The following SLC39A11 variants were observed in gnomAD, a reference collection of about 807,000 sequenced individuals.
SLC39A11 encodes the protein solute carrier family 39 member 11.
In SLC39A11, 33 loss-of-function variants were observed where a neutral mutation model predicts 36.1. The ratio of observed to expected loss-of-function variants is 0.91; its 90% confidence interval spans 0.69 to 1.22. The LOEUF (loss-of-function observed/expected upper bound fraction) is 1.22. Ranked by LOEUF, SLC39A11 falls within the 50% of genes most tolerant of loss-of-function variation. The pLI is 0.00. For synonymous variants in SLC39A11, 166 were observed against 170.3 expected, an observed-to-expected ratio of 0.97 and a Z score of 0.20; for missense variants, 432 against 430.3, an observed-to-expected ratio of 1.00 and a Z score of -0.03.
chr17:72,809,985 AC>A (rs1198388614), intron 6 of SLC39A11, among the ~76,000 whole-genome samples: 1 of 151,646 alleles, frequency 6.6e-6, no homozygotes. Context: ...AATTGCTTGA[AC>A]CCAGGAGGCA....
intron 3 of SLC39A11, among the ~76,000 whole-genome samples, chr17:73,079,688 T>C (rs2060451068): frequency 6.6e-6 from 1 of 152,006 alleles, no homozygotes. Flanking sequence ...TCCAAATCAG[T>C]AAAGAGGAAG....
At chr17:72,779,519 G>A (rs190799304) in intron 6 of SLC39A11, among the ~76,000 whole-genome samples, 67 of 152,314 alleles carry the variant, frequency 4.4e-4, no homozygotes, top group Admixed American at 1.7e-3. Context: ...CATGAGAGGT[G>A]TAGGATAAAT....
At chr17:72,867,230 T>C (rs993011895) in intron 5 of SLC39A11, among the ~76,000 whole-genome samples, 1 of 152,180 alleles carries the variant, frequency 6.6e-6, no homozygotes, top group Admixed American at 6.5e-5. Context: ...CCAGGAGTGG[T>C]GGCTCACACC....
intron 3 of SLC39A11, among the ~76,000 whole-genome samples, chr17:73,040,178 C>A (rs186663714): frequency 5.7e-4 from 87 of 152,312 alleles, no homozygotes; most frequent in African/African-American, 1.8e-3. Flanking sequence ...CTGTTAAATA[C>A]TTGCTTCACA....
chr17:72,838,021 C>T, intron 6 of SLC39A11: 8 of 1,223,844 alleles, frequency 6.5e-6, no homozygotes, highest in Non-Finnish European at 8.2e-6. Context: ...CAGTGGCTTA[C>T]ACCTATAATC....
At chr17:73,019,894 A>G (rs1379509278) in intron 4 of SLC39A11, among the ~76,000 whole-genome samples, 1 of 152,224 alleles carries the variant, frequency 6.6e-6, no homozygotes, top group Non-Finnish European at 1.5e-5. Flanking sequence ...GACTCAGGTA[A>G]AGGTACAGAA....
intron 5 of SLC39A11, among the ~76,000 whole-genome samples, chr17:72,932,910 T>C (rs1373395527): frequency 6.6e-6 from 1 of 152,212 alleles, no homozygotes; most frequent in Non-Finnish European, 1.5e-5. Flanking sequence ...TTCTATATTG[T>C]GACATCTTTC....
chr17:72,707,373 T>C (rs767731413), intron 7 of SLC39A11, among the ~76,000 whole-genome samples: 45 of 152,128 alleles, frequency 3.0e-4, no homozygotes, highest in Non-Finnish European at 5.6e-4. Context: ...CACTGTACTC[T>C]ACCCTGGATG....
At chr17:72,882,803 T>C (rs28722538) in intron 5 of SLC39A11, among the ~76,000 whole-genome samples, 1 of 147,314 alleles carries the variant, frequency 6.8e-6, no homozygotes, top group African/African-American at 2.6e-5. Flanking sequence ...GCTTCTTTTT[T>C]TTTTTTTTTT....
At chr17:72,761,527 T>C (rs1415685505) in intron 6 of SLC39A11, among the ~76,000 whole-genome samples, 1 of 152,172 alleles carries the variant, frequency 6.6e-6, no homozygotes, top group African/African-American at 2.4e-5. Context: ...GAACTTGCTA[T>C]TTTTTAGCCA....
chr17:72,672,070 CTA>C (rs1255851882), intron 7 of SLC39A11, among the ~76,000 whole-genome samples: 1 of 151,232 alleles, frequency 6.6e-6, no homozygotes, highest in Admixed American at 6.6e-5. Flanking sequence ...CAGATGGTAA[CTA>C]TGTGAGTTGA....
chr17:73,008,380 A>G (rs188426933), intron 4 of SLC39A11, among the ~76,000 whole-genome samples: 59 of 152,248 alleles, frequency 3.9e-4, no homozygotes, highest in African/African-American at 1.4e-3. Flanking sequence ...AGCTAGCCTG[A>G]AGCTCTACCC....
At chr17:72,819,988 AG>A (rs2077710056) in intron 6 of SLC39A11, among the ~76,000 whole-genome samples, 1 of 151,074 alleles carries the variant, frequency 6.6e-6, no homozygotes, top group Admixed American at 6.6e-5. Flanking sequence ...CACATTCTTA[AG>A]GGGACAGGAC....
rs971052116 is a variant in SLC39A11, at chr17:72,804,608, C to T, written c.601+45026G>A. ...GAGTAAGGCAGAGTGGTATAGTAAGCGGGGCCTCAAACTGCAGTCAAGAAA... is the reference window on the plus strand; with the variant it reads ...GAGTAAGGCAGAGTGGTATAGTAAGTGGGGCCTCAAACTGCAGTCAAGAAA... On this transcript the variant is annotated intron_variant, in intron 6 of 9. Transcript: ENST00000255559. 3.9e-5 allele frequency among the ~76,000 whole-genome samples: 6 copies of T among 152,288 alleles called. 1 individual carries two copies. The South Asian group carries it at 8.3e-4, about 21-fold the overall frequency.
At chr17:73,077,058 C>T (rs1287687787) in intron 3 of SLC39A11, among the ~76,000 whole-genome samples, 1 of 152,090 alleles carries the variant, frequency 6.6e-6, no homozygotes, top group Non-Finnish European at 1.5e-5. Context: ...TTAAGAGTTA[C>T]TGCCCCAGCC....
chr17:72,922,011 G>A (rs943809113), intron 5 of SLC39A11, among the ~76,000 whole-genome samples: 9 of 152,186 alleles, frequency 5.9e-5, no homozygotes, highest in African/African-American at 1.9e-4. Context: ...AATTACAAAT[G>A]AAGACAAAGC....
At chr17:72,861,978 T>C (rs902440090) in intron 5 of SLC39A11, among the ~76,000 whole-genome samples, 1 of 150,338 alleles carries the variant, frequency 6.7e-6, no homozygotes, top group Non-Finnish European at 1.5e-5. Flanking sequence ...TGAATGATAA[T>C]AAAGGAAATG....
At chr17:72,936,189 T>C (rs1038602040) in intron 5 of SLC39A11, among the ~76,000 whole-genome samples, 3 of 151,862 alleles carry the variant, frequency 2.0e-5, no homozygotes, top group African/African-American at 7.3e-5. Context: ...CAGAGTGAGA[T>C]GCTATCTCCA....
intron 3 of SLC39A11, among the ~76,000 whole-genome samples, chr17:73,034,582 A>AC (rs2143145303): frequency 6.6e-6 from 1 of 152,224 alleles, no homozygotes; most frequent in East Asian, 1.9e-4. Context: ...ATACGGTCCC[A>AC]CCTTCAACAA....
Sources: allele counts gnomAD v4.1 joint callset (sites outside exome capture counted in the v4.1 genomes callset), GRCh38; gene constraint gnomAD v4.1.1; transcripts MANE v1.5; gene names NCBI Gene and HGNC (gene_info 2026-07-23, HGNC 2026-07-21).